The following TET1 variants were observed in gnomAD, a reference collection of about 807,000 sequenced individuals.
The protein encoded by TET1 is methylcytosine dioxygenase TET1.
A neutral mutation model predicts 148.7 loss-of-function variants in TET1; 13 were observed. The ratio of observed to expected loss-of-function variants is 0.09; its 90% CI spans 0.06 to 0.14. The LOEUF is 0.14. TET1 is among the 10% of genes least tolerant of loss of function. TET1 has a pLI of 1.00. For missense variants in TET1, 2,182 were observed against 2,553.8 expected (o/e 0.85, Z 3.14); for synonymous variants, 907 against 937.2 (o/e 0.97, Z 0.59).
chr10:68,627,194 G>T (rs1466423387), intron 3 of TET1, among the ~76,000 whole-genome samples: 3 of 152,068 alleles, frequency 2.0e-5, no homozygotes, highest in Non-Finnish European at 2.9e-5. Flanking sequence ...GATCACCTGA[G>T]GTCAGGAGTT....
Position 68,606,105 on chromosome 10 carries a change from G to T in TET1, c.1968+5071G>T, listed in dbSNP as rs80254400. ...AAATAGGCCAGGTTCGGTGGCTCAT[G>T]TCTGTAATCCCAGCACTTTGAGAGG... is the stretch of plus-strand genomic sequence containing the variant. On this transcript the variant is annotated intron_variant, in intron 3 of 11. Transcript: ENST00000373644. 7.3e-5 allele frequency among the ~76,000 whole-genome samples: 11 copies of T among 151,576 alleles called. No homozygotes were observed. The East Asian group carries it at 1.7e-3, about 24-fold the overall frequency.
rs1268086386 is a variant in TET1, at chr10:68,691,259, T to G, written c.5856T>G (p.Leu1952=). The change falls in exon 12 of 12, where the codon CTT becomes CTG. Residue 1952 remains leucine (L), a synonymous_variant. Transcript: ENST00000373644. This position sits in a 1 kb window ranked among gnomAD's most constrained non-coding sequence, Gnocchi z 4.4. ...CCTTCCTCACCTCTCCTCAAGACCTTGCCTCTTCTCCAATGGAAGAAGATG... is the reference window on the plus strand; with the variant it reads ...CCTTCCTCACCTCTCCTCAAGACCTGGCCTCTTCTCCAATGGAAGAAGATG... ...QPSFLTSPQD[L]ASSPMEEDEQ... 1 of 1,614,010 alleles carries G rather than the reference T, an allele frequency of 6.2e-7. No homozygotes were observed. Among genetic ancestry groups the G allele is most frequent in the African/African-American group, 1.3e-5 (1 of 74,912 alleles).
At position 68,667,090 on chromosome 10, in the gene TET1, C is replaced by A. The variant is rs1221018310; in HGVS notation, c.4507C>A (p.Arg1503=). 2 of 1,613,790 alleles carry A rather than the reference C, an allele frequency of 1.2e-6. No individual in the cohort carries two copies. The highest frequency in any genetic ancestry group is 8.5e-7 in the Non-Finnish European group (1 of 1,179,978). Residue 1503 remains arginine (R), a synonymous_variant, in exon 7 of 12, where the codon CGG becomes AGG. Transcript: ENST00000373644. Reference sequence around the variant, plus strand: ...TGAAGAAAAAGTTCTTTGTTTGGTCCGGCAGCGTACAGGCCACCACTGTCC... The same window carrying A: ...TGAAGAAAAAGTTCTTTGTTTGGTCAGGCAGCGTACAGGCCACCACTGTCC... ...SDEEKVLCLV[R]QRTGHHCPTA... is the part of the protein sequence containing the mutation.
In TET1 at chr10:68,681,418, A is replaced by G; in HGVS notation, c.4844A>G (p.Asn1615Ser). 6.2e-7 allele frequency: 1 copy of G among 1,613,536 alleles called. No individual in the cohort carries two copies. The highest frequency in any genetic ancestry group is 8.5e-7 in the Non-Finnish European group (1 of 1,179,714). Reference sequence around the variant, plus strand: ...CTATAGGAAAAAAACCTTGAAGATAACTTACAGAGTTTGGCTACACGATTA... The same window carrying G: ...CTATAGGAAAAAAACCTTGAAGATAGCTTACAGAGTTTGGCTACACGATTA... The part of the protein sequence containing the change: ...SPLHEKNLED[N>S]LQSLATRLAP... The change falls in exon 9 of 12, where the codon AAC (asparagine) becomes AGC (serine). Residue 1615 changes from asparagine to serine, a missense_variant. By Grantham distance (46) the Asn-to-Ser change is conservative (BLOSUM62 1). Coordinates refer to ENST00000373644, the MANE Select transcript of TET1 (RefSeq NM_030625.3).
intron 7 of TET1, among the ~76,000 whole-genome samples, chr10:68,672,252 C>T (rs1197918038): frequency 6.6e-6 from 1 of 151,774 alleles, no homozygotes; most frequent in East Asian, 1.9e-4. Context: ...AATCCCAGAA[C>T]TTTGGGAGGG....
intron 3 of TET1, among the ~76,000 whole-genome samples, chr10:68,612,898 A>G (rs1246270054): frequency 6.6e-6 from 1 of 152,184 alleles, no homozygotes; most frequent in Non-Finnish European, 1.5e-5. Flanking sequence ...AATTACAGGC[A>G]TGACCCACCA....
chr10:68,598,722 C>T (rs571472716), intron 2 of TET1, among the ~76,000 whole-genome samples: 8 of 134,822 alleles, frequency 5.9e-5, no homozygotes, highest in African/African-American at 1.1e-4. Context: ...TTTTTGGAGA[C>T]GGAGTCTGGC....
rs1266482068 is a variant in TET1 at position 68,645,255 on chromosome 10, C to T, written c.2526C>T (p.Ile842=). 1.2e-6 allele frequency: 2 copies of T among 1,613,974 alleles called. No individual in the cohort carries two copies. The highest frequency in any genetic ancestry group is 1.7e-6 in the Non-Finnish European group (2 of 1,179,994). The change falls in exon 4 of 12, where the codon ATC becomes ATT. Residue 842 remains isoleucine, a synonymous_variant. Transcript: ENST00000373644. ...CCATTCCACATTCTTCACACTCCATCATAAATCATCATGCTAGTATACACA... is the reference window on the plus strand; with the variant it reads ...CCATTCCACATTCTTCACACTCCATTATAAATCATCATGCTAGTATACACA... ...CSSIPHSSHS[I]INHHASIHNE... is the part of the protein sequence containing the mutation.
intron 1 of TET1, among the ~76,000 whole-genome samples, chr10:68,566,816 T>C (rs1354865031): frequency 2.0e-5 from 2 of 97,626 alleles, no homozygotes; most frequent in Non-Finnish European, 5.6e-5. Flanking sequence ...TTATTTTCTC[T>C]CTCTCTCTTT....
At chr10:68,650,105 T>C (rs1340106459) in intron 4 of TET1, among the ~76,000 whole-genome samples, 2 of 152,176 alleles carry the variant, frequency 1.3e-5, no homozygotes, top group African/African-American at 4.8e-5. Context: ...TGGTGTTTTA[T>C]CCTTCGTAAT....
intron 3 of TET1, among the ~76,000 whole-genome samples, chr10:68,639,967 G>T (rs984864114): frequency 6.6e-6 from 1 of 151,990 alleles, no homozygotes; most frequent in Non-Finnish European, 1.5e-5. Flanking sequence ...TCGCCCTGTC[G>T]CCCAGGCTGG....
At position 68,613,113 on chromosome 10, in the gene TET1, G is replaced by C. The variant is rs567362982; in HGVS notation, c.1968+12079G>C. On this transcript the variant is annotated intron_variant, in intron 3 of 11. Coordinates refer to ENST00000373644, the MANE Select transcript of TET1 (RefSeq NM_030625.3). ...ACAAAATTTGTGTAATTGCATCTTGGTGTAAAGGAAAAACTACTTCCTCAA... is the reference window on the plus strand; with the variant it reads ...ACAAAATTTGTGTAATTGCATCTTGCTGTAAAGGAAAAACTACTTCCTCAA... Among the ~76,000 whole-genome samples the C allele has an allele frequency of 3.9e-5, 6 of 152,258 alleles. No individual in the cohort carries two copies. In the East Asian group the frequency reaches 1.2e-3, roughly 29 times the overall value.
intron 2 of TET1, among the ~76,000 whole-genome samples, chr10:68,598,722 C>CG (rs1167597198): frequency 7.4e-6 from 1 of 134,770 alleles, no homozygotes; most frequent in East Asian, 2.2e-4. Context: ...TTTTTGGAGA[C>CG]GGAGTCTGGC....
chr10:68,625,602 ATT>A (rs1176726715), intron 3 of TET1, among the ~76,000 whole-genome samples: 1 of 152,070 alleles, frequency 6.6e-6, no homozygotes, highest in Non-Finnish European at 1.5e-5. Flanking sequence ...TTCTGGTGTT[ATT>A]TTTACCTATT....
chr10:68,652,252 A>G (rs1347594997), intron 5 of TET1, among the ~76,000 whole-genome samples: 3 of 152,156 alleles, frequency 2.0e-5, no homozygotes, highest in Admixed American at 2.0e-4. Flanking sequence ...CTACATTCCC[A>G]TTGCTTGTCT....
chr10:68,564,518 G>GT, intron 1 of TET1, among the ~76,000 whole-genome samples: 1 of 152,272 alleles, frequency 6.6e-6, no homozygotes, highest in South Asian at 2.1e-4. Flanking sequence ...ATTGAGTAAT[G>GT]TTTTACATCC....
intron 6 of TET1, among the ~76,000 whole-genome samples, chr10:68,655,771 A>C (rs2055012464): frequency 1.3e-5 from 2 of 152,302 alleles, no homozygotes; most frequent in Admixed American, 1.3e-4. Flanking sequence ...TGTTTTGGAT[A>C]TCTGTCTGTG....
chr10:68,591,277 TAA>T (rs1457298022), intron 2 of TET1, among the ~76,000 whole-genome samples: 4 of 152,250 alleles, frequency 2.6e-5, no homozygotes, highest in African/African-American at 9.6e-5. Flanking sequence ...AGTTCAATGA[TAA>T]GTCTTTTTAT....
At chr10:68,672,513 A>AAAAC in intron 7 of TET1, among the ~76,000 whole-genome samples, 1 of 107,950 alleles carries the variant, frequency 9.3e-6, no homozygotes, top group South Asian at 3.1e-4. Context: ...AAAAAAAAAC[A>AAAAC]CCAAAAAAAA....
Sources: gnomAD v4.1 joint callset for allele counts (sites outside exome capture counted in the v4.1 genomes callset) on GRCh38, gnomAD v4.1.1 for gene constraint, Gnocchi (gnomAD v3.1) non-coding constraint, MANE v1.5 for transcripts, NCBI Gene and HGNC (gene_info 2026-07-23, HGNC 2026-07-21) for gene names.